The following KCND2 variants were observed in gnomAD, a reference collection of about 807,000 sequenced individuals.
KCND2 encodes potassium voltage-gated channel subfamily D member 2.
A neutral mutation model predicts 54.4 loss-of-function variants in KCND2; 16 were observed. That is an observed-to-expected ratio of 0.29 (90% confidence interval 0.20 to 0.45). KCND2 has a LOEUF of 0.45. Among genes scored for constraint, KCND2 ranks in the 20% least tolerant of loss-of-function variants. The pLI, the probability that KCND2 is intolerant of heterozygous loss-of-function variation, is 1.00. For missense variants in KCND2, 486 were observed against 824.2 expected (o/e 0.59, Z 5.02); for synonymous variants, 317 against 310.7 (o/e 1.02, Z -0.21).
At chr7:120,473,102 G>A (rs1802483108) in intron 1 of KCND2, among the ~76,000 whole-genome samples, 1 of 152,166 alleles carries the variant, frequency 6.6e-6, no homozygotes, top group African/African-American at 2.4e-5. Context: ...CCAGCTTTCA[G>A]GGTGGAAGGA....
chr7:120,335,089 G>A (rs1302638052), intron 1 of KCND2, among the ~76,000 whole-genome samples: 1 of 152,114 alleles, frequency 6.6e-6, no homozygotes, highest in East Asian at 1.9e-4. Flanking sequence ...TCCTGGCTGG[G>A]CGTGATGGCT....
At chr7:120,316,714 T>C (rs2116323651) in intron 1 of KCND2, among the ~76,000 whole-genome samples, 1 of 152,344 alleles carries the variant, frequency 6.6e-6, no homozygotes, top group South Asian at 2.1e-4. Flanking sequence ...AAAACAGGTG[T>C]ACTAGAAGTG....
chr7:120,716,004 A>G (rs1208127626), intron 1 of KCND2, among the ~76,000 whole-genome samples: 3 of 141,144 alleles, frequency 2.1e-5, no homozygotes, highest in African/African-American at 8.3e-5. Context: ...CAGACAAATA[A>G]TTAGCTAAGA....
At chr7:120,447,365 A>G (rs915186246) in intron 1 of KCND2, among the ~76,000 whole-genome samples, 1 of 151,268 alleles carries the variant, frequency 6.6e-6, no homozygotes, top group Non-Finnish European at 1.5e-5. Context: ...AAAAAAAAAA[A>G]GAAAAAAAAA....
In KCND2 at chr7:120,355,094, A is replaced by G. The variant is rs959768171; in HGVS notation, c.1115+79347A>G. Among the ~76,000 whole-genome samples the G allele has an allele frequency of 2.0e-5, 3 of 152,222 alleles. No homozygotes were observed. In the South Asian group the frequency reaches 6.2e-4, roughly 32 times the overall value. On this transcript the variant is annotated intron_variant, in intron 1 of 5. Transcript: ENST00000331113. ...CATTGAAGCTCTCTAACATACATATAGAGCTATTCCTTGATTTACAATGGG... is the reference window on the plus strand; with the variant it reads ...CATTGAAGCTCTCTAACATACATATGGAGCTATTCCTTGATTTACAATGGG...
At chr7:120,633,616 C>T (rs1476044002) in intron 1 of KCND2, among the ~76,000 whole-genome samples, 1 of 152,102 alleles carries the variant, frequency 6.6e-6, no homozygotes, top group Non-Finnish European at 1.5e-5. Context: ...TGTTAATATT[C>T]CCCATTTTAC....
At chr7:120,455,477 A>G (rs1161461595) in intron 1 of KCND2, among the ~76,000 whole-genome samples, 1 of 152,174 alleles carries the variant, frequency 6.6e-6, no homozygotes, top group Non-Finnish European at 1.5e-5. Flanking sequence ...CAATCCCATT[A>G]TTGGGTATAT....
intron 1 of KCND2, among the ~76,000 whole-genome samples, chr7:120,489,936 G>A (rs903629747): frequency 8.5e-5 from 13 of 152,092 alleles, no homozygotes; most frequent in African/African-American, 2.7e-4. Context: ...CCTGATAGGT[G>A]GGCCAGCCAG....
intron 1 of KCND2, among the ~76,000 whole-genome samples, chr7:120,610,644 T>A (rs1792942319): frequency 6.6e-6 from 1 of 152,000 alleles, no homozygotes; most frequent in Non-Finnish European, 1.5e-5. Context: ...ACAAATAAAT[T>A]CCCTTCCCCC....
chr7:120,376,177 A>C lies in KCND2; in HGVS notation c.1115+100430A>C, dbSNP rs141372309. Among the ~76,000 whole-genome samples, 4 of 151,864 alleles carry C rather than the reference A, an allele frequency of 2.6e-5. No individual in the cohort carries two copies. In the East Asian group the frequency reaches 7.8e-4, roughly 29 times the overall value. On this transcript the variant is annotated intron_variant, in intron 1 of 5. Transcript: ENST00000331113. The stretch of plus-strand genomic sequence containing the variant: ...GAAACTATTAAAGATAATCAAAAAT[A>C]ACTCCCAGTGACTTTTTATCTGTAT...
intron 1 of KCND2, among the ~76,000 whole-genome samples, chr7:120,307,135 C>T (rs560574764): frequency 3.7e-4 from 57 of 152,028 alleles, no homozygotes; most frequent in African/African-American, 1.2e-3. Context: ...CCCCAATCTA[C>T]AATTTTTTTC....
chr7:120,602,598 C>T (rs1404599258), intron 1 of KCND2, among the ~76,000 whole-genome samples: 1 of 152,098 alleles, frequency 6.6e-6, no homozygotes, highest in African/African-American at 2.4e-5. Flanking sequence ...GGAGTTTTTC[C>T]TTAAAATTAT....
intron 1 of KCND2, among the ~76,000 whole-genome samples, chr7:120,287,977 A>G (rs561858244): frequency 1.3e-5 from 2 of 152,302 alleles, no homozygotes; most frequent in South Asian, 4.1e-4. Context: ...TGCAAAAGCC[A>G]TATCTTATCA....
chr7:120,736,820 T>A (rs1375644895), intron 2 of KCND2, among the ~76,000 whole-genome samples: 1 of 151,702 alleles, frequency 6.6e-6, no homozygotes, highest in Non-Finnish European at 1.5e-5. Flanking sequence ...GGCAAAAAAA[T>A]TCTAGTATTA....
chr7:120,647,955 TCTTGC>T (rs1259002794), intron 1 of KCND2, among the ~76,000 whole-genome samples: 5 of 152,220 alleles, frequency 3.3e-5, no homozygotes, highest in African/African-American at 1.2e-4. Context: ...TGTACAATAG[TCTTGC>T]CTTGCTTTGT....
chr7:120,705,952 C>T (rs1051617171), intron 1 of KCND2, among the ~76,000 whole-genome samples: 4 of 152,080 alleles, frequency 2.6e-5, no homozygotes, highest in Non-Finnish European at 4.4e-5. Context: ...TTCTGTCTCT[C>T]TTCTGCCCAC....
At chr7:120,327,219 T>C (rs1799990809) in intron 1 of KCND2, among the ~76,000 whole-genome samples, 1 of 152,060 alleles carries the variant, frequency 6.6e-6, no homozygotes, top group South Asian at 2.1e-4. Context: ...TAGTTACCCA[T>C]GGTGACCTAT....
chr7:120,742,119 A>G (rs1324249368), intron 3 of KCND2, among the ~76,000 whole-genome samples: 1 of 152,112 alleles, frequency 6.6e-6, no homozygotes, highest in Non-Finnish European at 1.5e-5. Context: ...ATTTTCCTTT[A>G]ATATTTAGGA....
intron 1 of KCND2, among the ~76,000 whole-genome samples, chr7:120,536,629 C>T (rs952527186): frequency 6.6e-6 from 1 of 152,108 alleles, no homozygotes; most frequent in African/African-American, 2.4e-5. Flanking sequence ...GGAATAGACT[C>T]CATCTCAAGA....
Sources: gnomAD v4.1 joint callset for allele counts (sites outside exome capture counted in the v4.1 genomes callset) on GRCh38, gnomAD v4.1.1 for gene constraint, MANE v1.5 for transcripts, NCBI Gene and HGNC (gene_info 2026-07-23, HGNC 2026-07-21) for gene names.